GAS2L2: variants seen among roughly 807,000 people sequenced by gnomAD.
The protein encoded by GAS2L2 is growth arrest specific 2 like 2.
In GAS2L2, 21 loss-of-function variants were observed where a neutral mutation model predicts 35.2. The ratio of observed to expected loss-of-function variants is 0.60; its 90% CI spans 0.42 to 0.86. The LOEUF (loss-of-function observed/expected upper bound fraction) is 0.86, where lower values mean the gene tolerates loss of function less well. GAS2L2 is among the 40% of genes least tolerant of loss of function. The probability of loss-of-function intolerance (pLI) is 0.00; values close to 1 mark genes in which losing one functional copy is unlikely to be tolerated. For synonymous variants in GAS2L2, 490 were observed against 473.2 expected (o/e 1.04, Z -0.46); for missense variants, 1,169 against 1,144.4 (o/e 1.02, Z -0.31).
At chr17:35,751,672 A>G (rs587690230) in intron 1 of GAS2L2, among the ~76,000 whole-genome samples, 1 of 151,454 alleles carries the variant, frequency 6.6e-6, no homozygotes, top group Non-Finnish European at 1.5e-5. Flanking sequence ...AGTTTCAAAA[A>G]AAAAAAAAGA....
In GAS2L2 at chr17:35,746,030, C is replaced by A; in HGVS notation, c.1467G>T (p.Glu489Asp). The A allele has an allele frequency of 6.5e-7, 1 of 1,549,210 alleles. No individual in the cohort carries two copies. The highest frequency in any genetic ancestry group is 2.3e-5 in the East Asian group (1 of 44,262). Reference sequence around the variant, plus strand: ...GGACAGGGGTTGGAGAACGGACAGACTCTGGCTCCCTGAACTGGAAGAACG... The same window carrying A: ...GGACAGGGGTTGGAGAACGGACAGAATCTGGCTCCCTGAACTGGAAGAACG... Reference protein sequence around the residue: ...KGAFFQFREPESVRSPTPVQG... With the variant: ...KGAFFQFREPDSVRSPTPVQG... Residue 489 changes from glutamate to aspartate, a missense_variant, in exon 6 of 6, where the codon GAG becomes GAT. Coordinates refer to ENST00000604641, the MANE Select transcript of GAS2L2 (RefSeq NM_139285.4).
intron 1 of GAS2L2, among the ~76,000 whole-genome samples, chr17:35,750,905 C>T (rs1423173169): frequency 2.4e-4 from 37 of 152,178 alleles, no homozygotes; most frequent in Non-Finnish European, 7.3e-5. Context: ...TAGTCTACTT[C>T]GTGGGGTTGT....
chr17:35,747,423 G>A (rs1472853304), intron 4 of GAS2L2, among the ~76,000 whole-genome samples, 155 bp from the exon 5 acceptor site: 1 of 152,162 alleles, frequency 6.6e-6, no homozygotes, highest in Non-Finnish European at 1.5e-5. Flanking sequence ...TACGGGAGGG[G>A]CTTAGGGGAC....
chr17:35,745,350 A>G lies in GAS2L2; in HGVS notation c.2147T>C (p.Met716Thr). 6.2e-7 allele frequency: 1 copy of G among 1,605,110 alleles called. No homozygotes were observed. Residue 716 changes from methionine to threonine, a missense_variant, in exon 6 of 6, where the codon ATG (methionine) becomes ACG (threonine). Around this residue, in one of 3 missense-constraint regions of GAS2L2, gnomAD observed 1,035 missense variants for 976.5 expected, o/e 1.06. Coordinates refer to ENST00000604641, the MANE Select transcript of GAS2L2 (RefSeq NM_139285.4). Reference sequence around the variant, plus strand: ...CCCTCCCTGAGGTGGGACCTTCCTCATGTGGGTGCCCTTGGCACTCAGGCT... The same window carrying G: ...CCCTCCCTGAGGTGGGACCTTCCTCGTGTGGGTGCCCTTGGCACTCAGGCT... ...KASLSAKGTH[M>T]RKVPPQGGQD...
At chr17:35,746,955 T>G in intron 5 of GAS2L2, 61 bp downstream of exon 5, 1 of 1,469,404 alleles carries the variant, frequency 6.8e-7, no homozygotes, top group Non-Finnish European at 9.1e-7. Flanking sequence ...TGGAGTGTGG[T>G]GACCTCTGAG....
Position 35,747,834 on chromosome 17 carries a change from C to T in GAS2L2, c.832+15G>A, listed in dbSNP as rs1555599240. ...TCAACCAACCCCACAGGGAGAGGGC[C>T]CTCAGGGGACTCACAGAGGGATGTG... On this transcript the variant is annotated intron_variant, in intron 4 of 5. Coordinates refer to ENST00000604641, the MANE Select transcript of GAS2L2 (RefSeq NM_139285.4). The T allele has an allele frequency of 5.0e-6, 8 of 1,610,614 alleles. No individual in the cohort carries two copies. Among genetic ancestry groups the T allele is most frequent in the Middle Eastern group, 1.7e-4 (1 of 6,054 alleles).
In GAS2L2 at chr17:35,745,485, T is replaced by C. The variant is rs1555598770; in HGVS notation, c.2012A>G (p.Glu671Gly). The change falls in exon 6 of 6, where the codon GAA becomes GGA. Residue 671 changes from glutamate (E) to glycine (G), a missense_variant. Physicochemically the swap from Glu to Gly is moderately conservative, Grantham distance 98. Coordinates refer to ENST00000604641, the MANE Select transcript of GAS2L2 (RefSeq NM_139285.4). ...GSPSLLKVDL[E>G]AWKAAPTGSP... ...GCCAGTCGGGGCTGCCTTCCAGGCT[T>C]CCAGGTCCACTTTAAGGAGGGATGG... is the stretch of plus-strand genomic sequence containing the variant. 1.3e-6 allele frequency: 2 copies of C among 1,599,800 alleles called. No homozygotes were observed. The highest frequency in any genetic ancestry group is 1.1e-5 in the South Asian group (1 of 89,854).
rs1361476850 is a variant in GAS2L2, at chr17:35,745,130, C to T, written c.2367G>A (p.Glu789=). Reference sequence around the variant, plus strand: ...GCCTGGGGATTCGTGAAGGCTGCTTCTCAGGCCTGTGGTCTCTCCGGGGCC... The same window carrying T: ...GCCTGGGGATTCGTGAAGGCTGCTTTTCAGGCCTGTGGTCTCTCCGGGGCC... The part of the protein sequence containing the change: ...RIRPRRDHRP[E]KQPSRIPRPL... The change falls in exon 6 of 6, where the codon GAG becomes GAA. Residue 789 remains glutamate (E), a synonymous_variant. Transcript: ENST00000604641. 1.2e-6 allele frequency: 2 copies of T among 1,613,568 alleles called. No homozygotes were observed. Among genetic ancestry groups the T allele is most frequent in the Non-Finnish European group, 1.7e-6 (2 of 1,179,728 alleles).
chr17:35,751,848 C>CTCT (rs2085705431), intron 1 of GAS2L2, among the ~76,000 whole-genome samples: 1 of 99,984 alleles, frequency 1.0e-5, no homozygotes, highest in African/African-American at 4.9e-5. Flanking sequence ...CTCTCTCTCT[C>CTCT]TTTTTTTTTT....
At chr17:35,748,674 A>G (rs72829947) in intron 3 of GAS2L2, among the ~76,000 whole-genome samples, 1,775 of 152,328 alleles carry the variant, frequency 0.012, 17 homozygotes, top group Non-Finnish European at 0.018. Context: ...GGGGCCGTGC[A>G]CTGAAACCAA....
intron 3 of GAS2L2, among the ~76,000 whole-genome samples, chr17:35,748,604 ACT>A (rs1421397198): frequency 2.0e-5 from 3 of 151,886 alleles, no homozygotes; most frequent in African/African-American, 7.3e-5. Flanking sequence ...GCTGCTACTC[ACT>A]CTGCTGAATG....
intron 4 of GAS2L2, 22 bp from the exon 5 acceptor site, chr17:35,747,290 AAGGAG>A: frequency 6.3e-7 from 1 of 1,593,168 alleles, no homozygotes; most frequent in South Asian, 1.1e-5. Context: ...CCCCCGGAGA[AAGGAG>A]AGGAGAGAAG....
At chr17:35,751,050 C>G (rs1555599721) in intron 1 of GAS2L2, among the ~76,000 whole-genome samples, 1 of 152,210 alleles carries the variant, frequency 6.6e-6, no homozygotes, top group Non-Finnish European at 1.5e-5. Flanking sequence ...GTAGCCCAGG[C>G]CTGACCCTTT....
At chr17:35,749,997 G>C in intron 2 of GAS2L2, 80 bp downstream of exon 2, 2 of 1,407,782 alleles carry the variant, frequency 1.4e-6, no homozygotes, top group South Asian at 1.3e-5. Flanking sequence ...GTGGGTTAGT[G>C]GGGGCTGGAG....
At position 35,745,374 on chromosome 17, in the gene GAS2L2, C is replaced by T; in HGVS notation, c.2123G>A (p.Ser708Asn). 6.3e-7 allele frequency: 1 copy of T among 1,592,644 alleles called. No individual in the cohort carries two copies. The highest frequency in any genetic ancestry group is 1.3e-5 in the African/African-American group (1 of 74,498). The part of the protein sequence containing the change: ...ARQSGPRTKA[S>N]LSAKGTHMRK... ...CATGTGGGTGCCCTTGGCACTCAGG[C>T]TTGCCTTTGTCCTGGGCCCACTCTG... The change falls in exon 6 of 6, where the codon AGC becomes AAC. Residue 708 changes from serine to asparagine, a missense_variant. By Grantham distance (46) the Ser-to-Asn change is conservative. Around this residue, in one of 3 missense-constraint regions of GAS2L2, gnomAD observed 1,035 missense variants for 976.5 expected, o/e 1.06. Transcript: ENST00000604641.
intron 2 of GAS2L2, among the ~76,000 whole-genome samples, chr17:35,749,456 G>A (rs782161588): frequency 6.6e-6 from 1 of 152,186 alleles, no homozygotes; most frequent in Non-Finnish European, 1.5e-5. Context: ...TGCCACGGGG[G>A]GACTGTGGGA....
rs1598392645 is a variant in GAS2L2 at position 35,744,618 on chromosome 17, T to G, written c.*236A>C. On this transcript the variant is annotated 3_prime_UTR_variant, in exon 6 of 6. Coordinates refer to ENST00000604641, the MANE Select transcript of GAS2L2 (RefSeq NM_139285.4). ...TGTGGTGAGCCGTTCTAGGGGAGAG[T>G]AATGAGATACAGGATGGTCCTACTG... 1.9e-6 allele frequency: 1 copy of G among 535,504 alleles called. No homozygotes were observed. Among genetic ancestry groups the G allele is most frequent in the East Asian group, 2.9e-5 (1 of 34,268 alleles). 33.2% of individuals were successfully genotyped at this position (535,504 alleles called of 1,614,324 possible).
At position 35,750,195 on chromosome 17, in the gene GAS2L2, TGCACGAGTGTGGGCGCC is replaced by T. The variant is rs782148907; in HGVS notation, c.492_508del (p.Pro166GlyfsTer59). 7.2e-5 allele frequency: 116 copies of T among 1,613,478 alleles called. No individual in the cohort carries two copies. The highest frequency in any genetic ancestry group is 1.9e-5 in the Non-Finnish European group (23 of 1,179,720). On this transcript the variant is annotated frameshift_variant, in exon 2 of 6. Transcript: ENST00000604641. LOFTEE classifies it high-confidence loss of function. ...CTCCTCCTCGATCTCCTCCTCCAGC[TGCACGAGTGTGGGCGCC>T]GCAACACCAAAGCGCCACGCCCGGC... is the stretch of plus-strand genomic sequence containing the variant.
At position 35,746,331 on chromosome 17, in the gene GAS2L2, G is replaced by A. The variant is rs782226940; in HGVS notation, c.1166C>T (p.Thr389Ile). ...DSPPSPQSSSTQKGRDPQCTS... is the reference protein window; with the variant it reads ...DSPPSPQSSSIQKGRDPQCTS... ...ACACTGTGGGTCTCGGCCTTTTTGGGTAGATGAGGACTGGGGGCTGGGTGG... is the reference window on the plus strand; with the variant it reads ...ACACTGTGGGTCTCGGCCTTTTTGGATAGATGAGGACTGGGGGCTGGGTGG... Residue 389 changes from threonine to isoleucine, a missense_variant, in exon 6 of 6, where the codon ACC (threonine) becomes ATC (isoleucine). Physicochemically the swap from Thr to Ile is moderately conservative, Grantham distance 89. Transcript: ENST00000604641. 2.9e-6 allele frequency: 4 copies of A among 1,395,358 alleles called. No homozygotes were observed. Among genetic ancestry groups the A allele is most frequent in the South Asian group, 4.6e-5 (2 of 43,386 alleles). The allele number at this position is 1,395,358 out of a possible 1,614,324, so 86.4% of individuals were successfully genotyped here. A position where few individuals can be genotyped will look rare whatever the true frequency, so the allele number is the denominator to read the frequency against.
Sources: allele counts gnomAD v4.1 joint callset (sites outside exome capture counted in the v4.1 genomes callset), GRCh38; gene constraint gnomAD v4.1.1; regional missense constraint gnomAD v4.1.1; transcripts MANE v1.5; gene names NCBI Gene and HGNC (gene_info 2026-07-23, HGNC 2026-07-21).